Variants in GRIK1 observed in about 807,000 individuals in gnomAD.
The protein encoded by GRIK1 is glutamate ionotropic receptor kainate type subunit 1.
A neutral mutation model predicts 105.7 loss-of-function variants in GRIK1; 69 were observed. The observed-to-expected ratio is 0.65, with a 90% CI of 0.54 to 0.80. The LOEUF (loss-of-function observed/expected upper bound fraction) is 0.80, where lower values mean the gene tolerates loss of function less well. Ranked by LOEUF, GRIK1 falls within the 30% of genes least tolerant of loss-of-function variation. GRIK1 has a pLI of 0.00. For synonymous variants in GRIK1, 438 were observed against 431.3 expected (o/e 1.02, Z -0.19); for missense variants, 1,109 against 1,167.3 (o/e 0.95, Z 0.73).
At chr21:29,867,797 G>GAAGAAAGA (rs548130429) in intron 1 of GRIK1, among the ~76,000 whole-genome samples, 71 of 137,216 alleles carry the variant, frequency 5.2e-4, no homozygotes, top group East Asian at 1.1e-3. Context: ...TATGTCGAAA[G>GAAGAAAGA]AAGAAAGAAA....
chr21:29,894,093 A>G lies in GRIK1; in HGVS notation c.118+45290T>C, dbSNP rs143200352. Among the ~76,000 whole-genome samples the G allele has an allele frequency of 1.4e-3, 207 of 152,240 alleles. 3 individuals carry two copies. The highest frequency in any genetic ancestry group is 4.7e-3 in the African/African-American group (197 of 41,554). On this transcript the variant is annotated intron_variant, in intron 1 of 17. Transcript: ENST00000327783. ...TGAGAGGTAGGGCTGGGTAGTCACA[A>G]AGTGGATTGATGAAGAAGGGCCTTG...
chr21:29,630,975 T>G (rs539366061), intron 7 of GRIK1, among the ~76,000 whole-genome samples: 1 of 151,946 alleles, frequency 6.6e-6, no homozygotes. Flanking sequence ...TTTTTGTTTG[T>G]TTTTTTATTT....
chr21:29,804,062 A>C (rs1671474000), intron 1 of GRIK1, among the ~76,000 whole-genome samples: 2 of 152,182 alleles, frequency 1.3e-5, no homozygotes, highest in African/African-American at 4.8e-5. Flanking sequence ...ACAGAAGCTC[A>C]TAATGGCATT....
At chr21:29,709,070 A>G (rs1330358218) in intron 1 of GRIK1, among the ~76,000 whole-genome samples, 1 of 152,114 alleles carries the variant, frequency 6.6e-6, no homozygotes, top group Non-Finnish European at 1.5e-5. Flanking sequence ...TTTTATATAT[A>G]TGCATACACC....
chr21:29,548,134 T>G lies in GRIK1; in HGVS notation c.2607+6918A>C, dbSNP rs1416413368. On this transcript the variant is annotated intron_variant, in intron 16 of 17. Coordinates refer to ENST00000327783, the MANE Select transcript of GRIK1 (RefSeq NM_001330994.2). ...CAGTAACTTTATTCCATCATCCAGG[T>G]CTTACTCATTTTTGTGTCTTATCTG... Among the ~76,000 whole-genome samples the G allele has an allele frequency of 2.6e-5, 4 of 152,004 alleles. No homozygotes were observed. The East Asian group carries it at 7.7e-4, about 29-fold the overall frequency.
At chr21:29,547,083 A>G (rs1015898704) in intron 16 of GRIK1, among the ~76,000 whole-genome samples, 2 of 152,202 alleles carry the variant, frequency 1.3e-5, no homozygotes, top group Admixed American at 6.5e-5. Flanking sequence ...TACAGCTTCA[A>G]ATAGCTTCCT....
intron 1 of GRIK1, among the ~76,000 whole-genome samples, chr21:29,746,850 C>CAG (rs2065060382): frequency 6.6e-6 from 1 of 152,128 alleles, no homozygotes; most frequent in Non-Finnish European, 1.5e-5. Context: ...TTTTTACACA[C>CAG]AGAGAAAAAG....
chr21:29,880,719 T>A (rs1283955958), intron 1 of GRIK1, among the ~76,000 whole-genome samples: 1 of 152,134 alleles, frequency 6.6e-6, no homozygotes, highest in African/African-American at 2.4e-5. Flanking sequence ...GATAAATGCC[T>A]AATTTAATGC....
chr21:29,761,753 C>CTTTTTTTTTTTTTTT (rs57193884), intron 1 of GRIK1, among the ~76,000 whole-genome samples: 1 of 138,562 alleles, frequency 7.2e-6, no homozygotes. Context: ...TTCTTTCGTT[C>CTTTTTTTTTTTTTTT]TTTTTTTTTT....
chr21:29,878,905 A>G (rs563563636), intron 1 of GRIK1, among the ~76,000 whole-genome samples: 2 of 152,250 alleles, frequency 1.3e-5, no homozygotes, highest in African/African-American at 4.8e-5. Context: ...CTCACCAGTC[A>G]CCAAATTTGC....
chr21:29,753,701 C>T (rs1174240184), intron 1 of GRIK1, among the ~76,000 whole-genome samples: 1 of 152,154 alleles, frequency 6.6e-6, no homozygotes, highest in African/African-American at 2.4e-5. Flanking sequence ...CCTTTAAAAT[C>T]ATCCCTTTGC....
chr21:29,848,159 T>C (rs2068185632), intron 1 of GRIK1, among the ~76,000 whole-genome samples: 1 of 152,190 alleles, frequency 6.6e-6, no homozygotes, highest in South Asian at 2.1e-4. Context: ...ACGCTGCTTC[T>C]AGTTGCACTT....
intron 4 of GRIK1, among the ~76,000 whole-genome samples, chr21:29,669,445 A>G (rs934904825): frequency 6.6e-6 from 1 of 152,212 alleles, no homozygotes; most frequent in Non-Finnish European, 1.5e-5. Context: ...GATCTTATCT[A>G]AAGAAGACCA....
intron 3 of GRIK1, among the ~76,000 whole-genome samples, chr21:29,673,636 A>G (rs1313664567): frequency 6.6e-6 from 1 of 152,194 alleles, no homozygotes; most frequent in African/African-American, 2.4e-5. Flanking sequence ...TAACCAGCTA[A>G]TTAATTGGGT....
At chr21:29,722,438 C>T (rs907555608) in intron 1 of GRIK1, among the ~76,000 whole-genome samples, 1 of 151,840 alleles carries the variant, frequency 6.6e-6, no homozygotes, top group African/African-American at 2.4e-5. Context: ...CGCCTGTAGT[C>T]CCAGCTACTC....
At chr21:29,609,280 T>C (rs1235327773) in intron 7 of GRIK1, among the ~76,000 whole-genome samples, 1 of 152,172 alleles carries the variant, frequency 6.6e-6, no homozygotes, top group Non-Finnish European at 1.5e-5. Flanking sequence ...TGGCACCTTA[T>C]TCTCCCTGAC....
chr21:29,669,361 T>C (rs150629617), intron 4 of GRIK1, among the ~76,000 whole-genome samples: 33 of 152,206 alleles, frequency 2.2e-4, no homozygotes, highest in South Asian at 4.2e-4. Flanking sequence ...ATAAAGAGGG[T>C]ACCACATTGA....
intron 1 of GRIK1, among the ~76,000 whole-genome samples, chr21:29,695,761 C>T (rs1010799546): frequency 1.3e-5 from 2 of 152,136 alleles, no homozygotes; most frequent in African/African-American, 4.8e-5. Flanking sequence ...GCATGAGCCA[C>T]CGTGCCTGGC....
chr21:29,770,136 C>T (rs915563388), intron 1 of GRIK1, among the ~76,000 whole-genome samples: 2 of 152,148 alleles, frequency 1.3e-5, no homozygotes, highest in African/African-American at 4.8e-5. Flanking sequence ...TCAACTGATA[C>T]AAACACTGCT....
Sources: gnomAD v4.1 joint callset for allele counts (sites outside exome capture counted in the v4.1 genomes callset) on GRCh38, gnomAD v4.1.1 for gene constraint, MANE v1.5 for transcripts, NCBI Gene and HGNC (gene_info 2026-07-23, HGNC 2026-07-21) for gene names.